FGF14: variants seen among roughly 807,000 people sequenced by gnomAD.
FGF14 encodes the protein fibroblast growth factor homologous factor 4.
In FGF14, 5 loss-of-function variants were observed where a neutral mutation model predicts 25.5. The ratio of observed to expected loss-of-function variants is 0.20; its 90% CI spans 0.10 to 0.41. The LOEUF is 0.41. Among genes scored for constraint, FGF14 ranks in the 10% least tolerant of loss-of-function variants. The pLI is 1.00. For synonymous variants in FGF14, 138 were observed against 118.3 expected (o/e 1.17, Z -1.08); for missense variants, 222 against 320.1 (o/e 0.69, Z 2.34).
intron 1 of FGF14, among the ~76,000 whole-genome samples, chr13:102,147,599 C>T (rs2046906690): frequency 6.6e-6 from 1 of 152,128 alleles, no homozygotes; most frequent in Non-Finnish European, 1.5e-5. Flanking sequence ...CTCTCTTGTA[C>T]ATGTCAAAAA....
At chr13:101,908,928 A>T (rs1404311234) in intron 1 of FGF14, among the ~76,000 whole-genome samples, 3 of 152,210 alleles carry the variant, frequency 2.0e-5, no homozygotes, top group Non-Finnish European at 4.4e-5. Context: ...GCCCTCAGAA[A>T]TAATGCCACA....
At chr13:102,262,551 T>C (rs1388201850) in intron 1 of FGF14, among the ~76,000 whole-genome samples, 1 of 152,118 alleles carries the variant, frequency 6.6e-6, no homozygotes, top group African/African-American at 2.4e-5. Context: ...AGTAATTATT[T>C]TGATAGATTT....
chr13:101,962,347 T>G (rs565768220), intron 1 of FGF14, among the ~76,000 whole-genome samples: 57 of 152,214 alleles, frequency 3.7e-4, no homozygotes, highest in Admixed American at 6.5e-4. Flanking sequence ...ATTCATGATT[T>G]GACTCTCTGT....
intron 1 of FGF14, among the ~76,000 whole-genome samples, chr13:102,039,614 GTTC>G (rs2139988906): frequency 6.6e-6 from 1 of 152,170 alleles, no homozygotes; most frequent in South Asian, 2.1e-4. Context: ...GTGTCCAAAT[GTTC>G]TTCTTATAAA....
At chr13:102,087,407 CTTTTTTTTT>C (rs71125043) in intron 1 of FGF14, among the ~76,000 whole-genome samples, 1 of 84,446 alleles carries the variant, frequency 1.2e-5, no homozygotes, top group African/African-American at 4.4e-5. Context: ...ACTGTAATTT[CTTTTTTTTT>C]TTTTTTTTTT....
chr13:102,198,746 A>G (rs1178647373), intron 1 of FGF14, among the ~76,000 whole-genome samples: 2 of 152,218 alleles, frequency 1.3e-5, no homozygotes, highest in Non-Finnish European at 2.9e-5. Context: ...TTATTTGATT[A>G]GTCAAATGCT....
At chr13:102,255,366 T>C (rs2052385836) in intron 1 of FGF14, among the ~76,000 whole-genome samples, 1 of 152,114 alleles carries the variant, frequency 6.6e-6, no homozygotes, top group South Asian at 2.1e-4. Flanking sequence ...ATAAATAGCA[T>C]TTTTACCCAA....
chr13:102,378,716 C>T (rs945603725), intron 1 of FGF14, among the ~76,000 whole-genome samples: 2 of 150,082 alleles, frequency 1.3e-5, no homozygotes, highest in African/African-American at 4.9e-5. Context: ...AACAAAAAAA[C>T]AAAAAGAATC....
chr13:102,311,741 C>T (rs931590191), intron 1 of FGF14, among the ~76,000 whole-genome samples: 9 of 152,176 alleles, frequency 5.9e-5, no homozygotes, highest in Non-Finnish European at 1.0e-4. Context: ...AAACACTTCT[C>T]GAATATCTGT....
At chr13:102,182,410 C>G (rs563763815) in intron 1 of FGF14, among the ~76,000 whole-genome samples, 69 of 152,274 alleles carry the variant, frequency 4.5e-4, no homozygotes, top group Middle Eastern at 6.8e-3. Flanking sequence ...ACCTCTGGAA[C>G]TGTACCATAA....
intron 1 of FGF14, among the ~76,000 whole-genome samples, chr13:102,319,978 T>G (rs978461126): frequency 3.9e-5 from 6 of 152,178 alleles, no homozygotes; most frequent in African/African-American, 1.4e-4. Context: ...ATAGAGCATA[T>G]TGTTGGTGTT....
At chr13:101,854,258 G>T (rs2044010354) in intron 3 of FGF14, among the ~76,000 whole-genome samples, 1 of 152,044 alleles carries the variant, frequency 6.6e-6, no homozygotes, top group Non-Finnish European at 1.5e-5. Flanking sequence ...AATGCTTATT[G>T]CTGTTATCAT....
intron 1 of FGF14, among the ~76,000 whole-genome samples, chr13:102,155,371 A>G (rs1594182684): frequency 6.6e-6 from 1 of 152,158 alleles, no homozygotes; most frequent in East Asian, 1.9e-4. Context: ...ACTCAGAACC[A>G]CTCAATTACA....
intron 1 of FGF14, among the ~76,000 whole-genome samples, chr13:102,001,387 C>T (rs2039486736): frequency 6.6e-6 from 1 of 152,030 alleles, no homozygotes; most frequent in Non-Finnish European, 1.5e-5. Flanking sequence ...GACAGGAAAA[C>T]CAGCAAGCAT....
At chr13:102,254,828 C>T (rs1047742406) in intron 1 of FGF14, among the ~76,000 whole-genome samples, 1 of 152,194 alleles carries the variant, frequency 6.6e-6, no homozygotes, top group Non-Finnish European at 1.5e-5. Context: ...GAACCACTGA[C>T]ATAGCTGAAG....
At chr13:102,059,531 T>G (rs1376561460) in intron 1 of FGF14, among the ~76,000 whole-genome samples, 1 of 152,206 alleles carries the variant, frequency 6.6e-6, no homozygotes, top group African/African-American at 2.4e-5. Flanking sequence ...TTCTAAATAA[T>G]TCAATGAATG....
chr13:102,396,200 A>G (rs1487490252), intron 1 of FGF14, among the ~76,000 whole-genome samples: 1 of 152,128 alleles, frequency 6.6e-6, no homozygotes, highest in Admixed American at 6.5e-5. Flanking sequence ...GTCCCTATTT[A>G]CAGGAGGTAA....
intron 1 of FGF14, among the ~76,000 whole-genome samples, chr13:102,324,315 G>A (rs535361875): frequency 4.4e-4 from 67 of 152,148 alleles, no homozygotes; most frequent in Non-Finnish European, 9.1e-4. Context: ...TAGACTGACT[G>A]GGTTCAAATT....
intron 1 of FGF14, among the ~76,000 whole-genome samples, chr13:102,123,029 A>G (rs2045798552): frequency 6.6e-6 from 1 of 152,166 alleles, no homozygotes; most frequent in African/African-American, 2.4e-5. Flanking sequence ...AGATTAATTG[A>G]GATTTGATTT....
Sources: allele counts gnomAD v4.1 joint callset (sites outside exome capture counted in the v4.1 genomes callset), GRCh38; gene constraint gnomAD v4.1.1; transcripts MANE v1.5; gene names NCBI Gene and HGNC (gene_info 2026-07-23, HGNC 2026-07-21).